PLD5: variants seen among roughly 807,000 people sequenced by gnomAD.
PLD5 encodes the protein phospholipase D family member 5, also known as inactive phospholipase D5.
A neutral mutation model predicts 61.1 loss-of-function variants in PLD5; 36 were observed. The observed-to-expected ratio is 0.59, with a 90% CI of 0.45 to 0.78. PLD5 has a LOEUF of 0.78. PLD5 is among the 30% of genes least tolerant of loss of function. The probability of loss-of-function intolerance (pLI) is 0.00; values close to 1 mark genes in which losing one functional copy is unlikely to be tolerated. For synonymous variants in PLD5, 243 were observed against 242.8 expected, an observed-to-expected ratio of 1.00 and a Z score of -0.01; for missense variants, 515 against 644.4, an observed-to-expected ratio of 0.80 and a Z score of 2.17.
intron 1 of PLD5, among the ~76,000 whole-genome samples, chr1:242,394,769 A>AAC (rs1553366689): frequency 4.5e-5 from 1 of 22,402 alleles, no homozygotes; most frequent in Non-Finnish European, 9.0e-5. Flanking sequence ...TATATATGTG[A>AAC]ATATATATGT....
chr1:242,360,695 C>A (rs932631068), intron 1 of PLD5, among the ~76,000 whole-genome samples: 22 of 152,212 alleles, frequency 1.4e-4, no homozygotes, highest in African/African-American at 5.3e-4. Flanking sequence ...TCTTTCATAG[C>A]ATAGTTCTAA....
At chr1:242,191,149 G>C (rs1189607369) in intron 5 of PLD5, among the ~76,000 whole-genome samples, 1 of 132,572 alleles carries the variant, frequency 7.5e-6, no homozygotes, top group South Asian at 2.5e-4. Flanking sequence ...TTTTTCCTTT[G>C]AGGATCTGTA....
intron 6 of PLD5, among the ~76,000 whole-genome samples, chr1:242,119,186 G>A (rs903708024): frequency 4.6e-5 from 7 of 152,054 alleles, no homozygotes; most frequent in South Asian, 4.1e-4. Flanking sequence ...AATTTATTTT[G>A]CATACTCATT....
intron 2 of PLD5, among the ~76,000 whole-genome samples, chr1:242,298,039 T>C (rs1222922446): frequency 6.6e-6 from 1 of 152,240 alleles, no homozygotes; most frequent in Non-Finnish European, 1.5e-5. Context: ...CTGTAAGTTG[T>C]ATTCTGTGTC....
intron 1 of PLD5, among the ~76,000 whole-genome samples, chr1:242,519,174 G>A (rs895838130): frequency 2.0e-5 from 3 of 152,126 alleles, no homozygotes; most frequent in East Asian, 1.9e-4. Flanking sequence ...GGCGCTTAAC[G>A]GATCCACCCT....
chr1:242,329,537 C>A (rs1472678945), intron 2 of PLD5, among the ~76,000 whole-genome samples: 1 of 150,248 alleles, frequency 6.7e-6, no homozygotes, highest in Non-Finnish European at 1.5e-5. Context: ...CTACCATATT[C>A]AAAATAGAAC....
chr1:242,110,364 A>G (rs1300153533), intron 7 of PLD5, among the ~76,000 whole-genome samples: 2 of 152,112 alleles, frequency 1.3e-5, no homozygotes, highest in African/African-American at 4.8e-5. Context: ...CCTCAGGTAC[A>G]TTCAAGTGAT....
intron 1 of PLD5, among the ~76,000 whole-genome samples, chr1:242,411,339 C>T (rs907127582): frequency 1.3e-5 from 2 of 152,142 alleles, no homozygotes; most frequent in African/African-American, 4.8e-5. Context: ...GGGTTCACGC[C>T]ATTCTCCTGC....
chr1:242,176,722 T>G (rs910239103), intron 5 of PLD5, among the ~76,000 whole-genome samples: 9 of 152,014 alleles, frequency 5.9e-5, no homozygotes, highest in Non-Finnish European at 1.2e-4. Context: ...ACAAAGAACT[T>G]AAACAAATTT....
chr1:242,321,938 T>C (rs1236334910), intron 2 of PLD5, among the ~76,000 whole-genome samples: 3 of 152,180 alleles, frequency 2.0e-5, no homozygotes, highest in African/African-American at 7.2e-5. Context: ...AACCTCACCA[T>C]AGTTAAGAGG....
rs1031995792 is a variant in PLD5, at chr1:242,084,157, T to C, written c.*5697A>G. On this transcript the variant is annotated 3_prime_UTR_variant, in exon 10 of 10. Transcript: ENST00000536534. ...TTTAATTGGACTCCTTGTACATGAC[T>C]GTCATCGCACTGTTAGCCCATTTTT... 6.6e-6 allele frequency: 1 copy of C among 152,182 alleles called. No individual in the cohort carries two copies. Among genetic ancestry groups the C allele is most frequent in the Admixed American group, 6.5e-5 (1 of 15,274 alleles). The allele number at this position is 152,182 out of a possible 1,614,324, so 9.4% of individuals were successfully genotyped here.
chr1:242,400,973 C>G (rs1320155518), intron 1 of PLD5, among the ~76,000 whole-genome samples: 1 of 152,162 alleles, frequency 6.6e-6, no homozygotes, highest in Non-Finnish European at 1.5e-5. Context: ...CTGGCCCTGG[C>G]CCCTCCTCTG....
At chr1:242,476,093 G>A (rs1391543976) in intron 1 of PLD5, among the ~76,000 whole-genome samples, 6 of 152,192 alleles carry the variant, frequency 3.9e-5, no homozygotes, top group African/African-American at 1.2e-4. Context: ...GGTGGCTCAC[G>A]CCTGTAATCC....
At chr1:242,227,417 T>C (rs1574561840) in intron 4 of PLD5, among the ~76,000 whole-genome samples, 1 of 152,144 alleles carries the variant, frequency 6.6e-6, no homozygotes, top group African/African-American at 2.4e-5. Context: ...CAGGCTGGGG[T>C]GCAGTGGTGC....
intron 1 of PLD5, among the ~76,000 whole-genome samples, chr1:242,382,107 T>C (rs1033472137): frequency 7.2e-6 from 1 of 139,138 alleles, no homozygotes. Context: ...CTCAGGCAAC[T>C]GATAGCGGAG....
chr1:242,107,190 A>G (rs1344110665), intron 8 of PLD5, among the ~76,000 whole-genome samples: 2 of 152,068 alleles, frequency 1.3e-5, no homozygotes, highest in East Asian at 3.9e-4. Context: ...AGGAAGATGG[A>G]GAGGGCCGGG....
chr1:242,237,909 C>T (rs952626692), intron 4 of PLD5, among the ~76,000 whole-genome samples: 7 of 152,228 alleles, frequency 4.6e-5, no homozygotes, highest in African/African-American at 1.2e-4. Flanking sequence ...AGACTATAGG[C>T]AGACCAGCCA....
chr1:242,272,680 C>G (rs1674161876), intron 3 of PLD5, among the ~76,000 whole-genome samples: 1 of 152,048 alleles, frequency 6.6e-6, no homozygotes, highest in African/African-American at 2.4e-5. Context: ...TAAATGTATG[C>G]CTTCTCTAGA....
rs746481415 is a variant in PLD5, at chr1:242,090,081, T to C, written c.1384A>G (p.Thr462Ala). 1.9e-6 allele frequency: 3 copies of C among 1,614,154 alleles called. No homozygotes were observed. Among genetic ancestry groups the C allele is most frequent in the Non-Finnish European group, 1.7e-6 (2 of 1,180,016 alleles). The change falls in exon 10 of 10, where the codon ACT (threonine) becomes GCT (alanine). Residue 462 changes from threonine (T) to alanine (A), a missense_variant. By Grantham distance (58) the Thr-to-Ala change is moderately conservative. Around this residue, in one of 2 missense-constraint regions of PLD5, gnomAD observed 450 missense variants for 598.1 expected, o/e 0.75. Transcript: ENST00000536534. ...GNFDWVGNDF[T>A]QNAGTGLVIN... ...ACAAGGCCCGTGCCAGCATTCTGAG[T>C]GAAATCATTCCCTACCCAATCAAAA...
Sources: gnomAD v4.1 joint callset for allele counts (sites outside exome capture counted in the v4.1 genomes callset) on GRCh38, gnomAD v4.1.1 for gene constraint, gnomAD v4.1.1 regional missense constraint, MANE v1.5 for transcripts, NCBI Gene and HGNC (gene_info 2026-07-23, HGNC 2026-07-21) for gene names.